The following GFRA1 variants were observed in gnomAD, a reference collection of about 807,000 sequenced individuals.
GFRA1 encodes GDNF family receptor alpha 1.
In GFRA1, 16 loss-of-function variants were observed where a neutral mutation model predicts 51.6. The observed-to-expected ratio is 0.31, with a 90% CI of 0.21 to 0.47. GFRA1 has a LOEUF of 0.47. Ranked by LOEUF, GFRA1 falls within the 20% of genes least tolerant of loss-of-function variation. The pLI is 1.00. For missense variants in GFRA1, 530 were observed against 594.3 expected (o/e 0.89, Z 1.13); for synonymous variants, 270 against 241.3 (o/e 1.12, Z -1.10).
chr10:116,083,648 C>A (rs1004162996), intron 9 of GFRA1, among the ~76,000 whole-genome samples: 4 of 152,114 alleles, frequency 2.6e-5, no homozygotes, highest in Non-Finnish European at 5.9e-5. Flanking sequence ...CCAGTGGAGT[C>A]CTGGGTATTT....
intron 4 of GFRA1, among the ~76,000 whole-genome samples, chr10:116,226,252 C>T (rs919138541): frequency 2.0e-5 from 3 of 152,124 alleles, no homozygotes; most frequent in Admixed American, 6.5e-5. Flanking sequence ...AGAAGATGGT[C>T]GGCATGGCCT....
rs137875580 is a variant in GFRA1, at chr10:116,059,264, A to G, written c.*5134T>C. 6.6e-6 allele frequency: 1 copy of G among 152,348 alleles called. No homozygotes were observed. Among genetic ancestry groups the G allele is most frequent in the East Asian group, 1.9e-4 (1 of 5,174 alleles). 9.4% of individuals were successfully genotyped at this position (152,348 alleles called of 1,614,324 possible). A position where few individuals can be genotyped will look rare whatever the true frequency, so the allele number is the denominator to read the frequency against. ...TTTCTGCTGAAGAAGCCTGGGTGTG[A>G]GCAGCAAGAGATGTTCAAACTAAGT... On this transcript the variant is annotated 3_prime_UTR_variant, in exon 11 of 11. Coordinates refer to ENST00000355422, the MANE Select transcript of GFRA1 (RefSeq NM_005264.8).
At chr10:116,267,576 G>A (rs1256812127) in intron 4 of GFRA1, among the ~76,000 whole-genome samples, 2 of 152,144 alleles carry the variant, frequency 1.3e-5, no homozygotes, top group African/African-American at 2.4e-5. Context: ...TGACCATGGA[G>A]AGGTTCATAC....
intron 5 of GFRA1, among the ~76,000 whole-genome samples, chr10:116,183,885 T>A (rs972253758): frequency 2.0e-5 from 3 of 152,186 alleles, no homozygotes; most frequent in Non-Finnish European, 4.4e-5. Context: ...TCAGTCTCAC[T>A]ATCAGGACCT....
chr10:116,153,509 C>T (rs927563130), intron 5 of GFRA1, among the ~76,000 whole-genome samples: 1 of 152,178 alleles, frequency 6.6e-6, no homozygotes, highest in Non-Finnish European at 1.5e-5. Flanking sequence ...TGAGTGCTGT[C>T]TGCTGGTTTA....
intron 5 of GFRA1, among the ~76,000 whole-genome samples, chr10:116,195,774 C>T (rs1187841478): frequency 6.6e-6 from 1 of 152,160 alleles, no homozygotes; most frequent in East Asian, 1.9e-4. Context: ...CTGCCTGGTT[C>T]CCAGCAATTC....
chr10:116,174,425 C>T (rs1390487233), intron 5 of GFRA1, among the ~76,000 whole-genome samples: 2 of 152,216 alleles, frequency 1.3e-5, no homozygotes, highest in Non-Finnish European at 2.9e-5. Context: ...AATCATTCTT[C>T]AGCGTCTGGG....
intron 4 of GFRA1, among the ~76,000 whole-genome samples, chr10:116,248,792 G>A (rs1968077927): frequency 6.6e-6 from 1 of 152,176 alleles, no homozygotes; most frequent in African/African-American, 2.4e-5. Flanking sequence ...TAGCATACCA[G>A]CACTAATGCT....
intron 9 of GFRA1, among the ~76,000 whole-genome samples, chr10:116,080,803 G>C (rs1955816885): frequency 6.6e-6 from 1 of 152,172 alleles, no homozygotes; most frequent in African/African-American, 2.4e-5. Context: ...CTGACTTCCT[G>C]ATCCCCATGG....
chr10:116,249,289 G>A (rs367730766), intron 4 of GFRA1, among the ~76,000 whole-genome samples: 1 of 152,190 alleles, frequency 6.6e-6, no homozygotes, highest in African/African-American at 2.4e-5. Flanking sequence ...ACATGAGGCT[G>A]TGAGGCCTGC....
At chr10:116,184,317 C>A (rs1962506726) in intron 5 of GFRA1, among the ~76,000 whole-genome samples, 1 of 152,268 alleles carries the variant, frequency 6.6e-6, no homozygotes, top group South Asian at 2.1e-4. Context: ...GGCCAGTTAT[C>A]TCCTGGCCAG....
chr10:116,254,354 A>T (rs1168182936), intron 4 of GFRA1, among the ~76,000 whole-genome samples: 1 of 150,916 alleles, frequency 6.6e-6, no homozygotes, highest in Non-Finnish European at 1.5e-5. Context: ...GAAAGAAAAG[A>T]AAAGAAAAAA....
At chr10:116,252,259 G>A (rs911011649) in intron 4 of GFRA1, among the ~76,000 whole-genome samples, 3 of 151,972 alleles carry the variant, frequency 2.0e-5, no homozygotes, top group African/African-American at 7.3e-5. Flanking sequence ...GCAGCAAGCC[G>A]AATCCGCATG....
At chr10:116,203,841 T>C (rs1012613526) in intron 5 of GFRA1, among the ~76,000 whole-genome samples, 20 of 152,168 alleles carry the variant, frequency 1.3e-4, no homozygotes, top group Non-Finnish European at 2.6e-4. Flanking sequence ...AACAGTTCTG[T>C]TGTTTTGTCG....
Position 116,125,619 on chromosome 10 carries a change from T to C in GFRA1, c.434-62A>G. ...CTCGGCTCTGTGTTCTCACCTACTC[T>C]GTTTTAATTGAGATCCTGCCATTTA... On this transcript the variant is annotated intron_variant, in intron 5 of 10. Transcript: ENST00000355422. 4 of 1,292,800 alleles carry C rather than the reference T, an allele frequency of 3.1e-6. No individual in the cohort carries two copies. In the South Asian group the frequency reaches 3.7e-5, roughly 12 times the overall value. The allele number at this position is 1,292,800 out of a possible 1,614,324, so 80.1% of individuals were successfully genotyped here. A position where few individuals can be genotyped will look rare whatever the true frequency, so the allele number is the denominator to read the frequency against.
chr10:116,271,146 C>T (rs1053800697), intron 2 of GFRA1, 31 bp from the exon 3 acceptor site: 2 of 1,571,094 alleles, frequency 1.3e-6, no homozygotes, highest in African/African-American at 1.4e-5. Flanking sequence ...AGCCTGAGTG[C>T]GGCGGGCGGG....
intron 5 of GFRA1, among the ~76,000 whole-genome samples, chr10:116,187,364 T>C (rs1962824200): frequency 6.6e-6 from 1 of 152,208 alleles, no homozygotes; most frequent in Admixed American, 6.5e-5. Flanking sequence ...TGATGTCACC[T>C]GCCTGCAATT....
At chr10:116,166,780 CTTTTTTTTTTTTTTTTTTT>C (rs530399969) in intron 5 of GFRA1, among the ~76,000 whole-genome samples, 5 of 76,384 alleles carry the variant, frequency 6.5e-5, no homozygotes, top group Admixed American at 2.0e-4. Context: ...CAACAATCTT[CTTTTTTTTTTTTTTTTTTT>C]TTTTTTTTTT....
chr10:116,078,983 A>T (rs976502413), intron 9 of GFRA1, among the ~76,000 whole-genome samples: 1 of 152,090 alleles, frequency 6.6e-6, no homozygotes, highest in African/African-American at 2.4e-5. Flanking sequence ...ATGTGTGAGA[A>T]GCCTGACCAT....
Sources: gnomAD v4.1 joint callset for allele counts (sites outside exome capture counted in the v4.1 genomes callset) on GRCh38, gnomAD v4.1.1 for gene constraint, MANE v1.5 for transcripts, NCBI Gene and HGNC (gene_info 2026-07-23, HGNC 2026-07-21) for gene names.